The following ABCA9 variants were observed in gnomAD, a reference collection of about 807,000 sequenced individuals.
The protein encoded by ABCA9 is ATP-binding cassette sub-family A member 9.
In ABCA9, 183 loss-of-function variants were observed where a neutral mutation model predicts 205.3. That is an observed-to-expected ratio of 0.89 (90% CI 0.79 to 1.01). The LOEUF (loss-of-function observed/expected upper bound fraction) is 1.01. Among genes scored for constraint, ABCA9 ranks in the 50% least tolerant of loss-of-function variants. The pLI is 0.00. For synonymous variants in ABCA9, 651 were observed against 683.3 expected (o/e 0.95, Z 0.74); for missense variants, 1,805 against 1,912.4 (o/e 0.94, Z 1.05).
chr17:69,049,569 T>A lies in ABCA9; in HGVS notation c.97-79A>T, dbSNP rs7208425. 2,374 of 1,153,884 alleles carry A rather than the reference T, an allele frequency of 2.1e-3. 39 individuals are homozygous for A. The African/African-American group carries it at 0.033, about 16-fold the overall frequency. 71.5% of individuals were successfully genotyped at this position (1,153,884 alleles called of 1,614,324 possible). A position where few individuals can be genotyped will look rare whatever the true frequency, so the allele number is the denominator to read the frequency against. On this transcript the variant is annotated intron_variant, in intron 2 of 38. Transcript: ENST00000340001. ...TCAATCATCCACAAACAGTTTGAAA[T>A]ACTTAATTCTGTTATTTGGCTTGCA...
At chr17:69,031,006 G>C (rs148201249) in intron 10 of ABCA9, among the ~76,000 whole-genome samples, 4 of 152,252 alleles carry the variant, frequency 2.6e-5, no homozygotes, top group African/African-American at 9.6e-5. Context: ...AATGACGCAG[G>C]ACTGGCAGTC....
intron 25 of ABCA9, among the ~76,000 whole-genome samples, chr17:68,999,353 A>G (rs1026498023): frequency 7.5e-5 from 10 of 132,516 alleles, no homozygotes; most frequent in African/African-American, 2.9e-4. Context: ...TTCAATTCCC[A>G]CCTATGAGTG....
the ABCA9 span, among the ~76,000 whole-genome samples, chr17:69,077,232 A>C: frequency 2.6e-5 from 4 of 152,134 alleles, no homozygotes; most frequent in Non-Finnish European, 4.4e-5. Flanking sequence ...TATTTCAAAA[A>C]ATTTTTTTTA....
intron 3 of ABCA9, among the ~76,000 whole-genome samples, chr17:69,046,912 TAAAATTTTATATATATAG>T (rs2071734514): frequency 1.6e-5 from 2 of 121,734 alleles, no homozygotes; most frequent in African/African-American, 6.0e-5. Flanking sequence ...TATATATATA[TAAAATTTTATATATATAG>T]AAAATTTTAT....
At chr17:69,077,351 C>A in the ABCA9 span, among the ~76,000 whole-genome samples, 1 of 151,822 alleles carries the variant, frequency 6.6e-6, no homozygotes, top group South Asian at 2.1e-4. Context: ...TATTTTTATT[C>A]TTCTGTGGTC....
chr17:68,975,994 T>C lies in ABCA9; in HGVS notation c.4796A>G (p.Lys1599Arg), dbSNP rs749653892. ...TTCAAGATCACCCAGCTCCTGCTCC[T>C]TGGAGAGCTCCAGGAAAACCTAAAA... ...TLEQVFLELS[K>R]EQELGDLEED... Residue 1599 changes from lysine (K) to arginine (R), a missense_variant, in exon 39 of 39, where the codon AAG becomes AGG. Transcript: ENST00000340001. 3.1e-6 allele frequency: 5 copies of C among 1,613,810 alleles called. No individual in the cohort carries two copies. In the Admixed American group the frequency reaches 6.7e-5, roughly 22 times the overall value.
At chr17:69,060,312 T>C (rs968886409) in intron 1 of ABCA9, among the ~76,000 whole-genome samples, 1 of 152,130 alleles carries the variant, frequency 6.6e-6, no homozygotes, top group African/African-American at 2.4e-5. Flanking sequence ...ATAAAATTCC[T>C]GTTATTCACA....
Position 69,026,431 on chromosome 17 carries a change from C to T in ABCA9, c.2087G>A (p.Cys696Tyr), listed in dbSNP as rs2070987491. 1 of 1,613,768 alleles carries T rather than the reference C, an allele frequency of 6.2e-7. No homozygotes were observed. Among genetic ancestry groups the T allele is most frequent in the Non-Finnish European group, 8.5e-7 (1 of 1,179,834 alleles). ...KVFISNGKLKCAGSSLFLKKK... is the reference protein window; with the variant it reads ...KVFISNGKLKYAGSSLFLKKK... ...CTTAAGGAACAGAGAAGAGCCTGCA[C>T]ACTTCAGCTTCCCATTGGATATGAA... Residue 696 changes from cysteine to tyrosine, a missense_variant, in exon 16 of 39, where the codon TGT (cysteine) becomes TAT (tyrosine). By Grantham distance (194) the Cys-to-Tyr change is radical (BLOSUM62 -2). Coordinates refer to ENST00000340001, the MANE Select transcript of ABCA9 (RefSeq NM_080283.4).
chr17:69,075,687 T>C, the ABCA9 span, among the ~76,000 whole-genome samples: 1 of 152,146 alleles, frequency 6.6e-6, no homozygotes. Context: ...TGCCTCCAGC[T>C]TTGTTCTTTT....
At chr17:68,978,476 T>C (rs184434089) in intron 37 of ABCA9, among the ~76,000 whole-genome samples, 7 of 152,328 alleles carry the variant, frequency 4.6e-5, no homozygotes, top group Admixed American at 3.3e-4. Context: ...ACATTTAAGG[T>C]TAATATTGTT....
chr17:69,061,226 G>A (rs1434678920), upstream of ABCA9: 13 of 880,554 alleles, frequency 1.5e-5, no homozygotes, highest in South Asian at 4.7e-4. Flanking sequence ...TTCATACAAG[G>A]CCCTAATGGG....
intron 22 of ABCA9, among the ~76,000 whole-genome samples, chr17:69,013,854 A>C (rs1416835242): frequency 1.3e-5 from 2 of 152,116 alleles, no homozygotes; most frequent in Non-Finnish European, 2.9e-5. Flanking sequence ...ATCAAGTGGA[A>C]TAGGCTTACA....
intron 18 of ABCA9, 71 bp downstream of exon 18, chr17:69,021,671 T>G: frequency 9.7e-7 from 1 of 1,026,182 alleles, no homozygotes. Flanking sequence ...GATAAAATCT[T>G]TCTTTCGTCC....
chr17:69,021,308 A>G (rs1451611592), intron 18 of ABCA9, among the ~76,000 whole-genome samples: 1 of 152,128 alleles, frequency 6.6e-6, no homozygotes, highest in Non-Finnish European at 1.5e-5. Flanking sequence ...TAGCAGCAAT[A>G]AGAGAGAAAA....
chr17:69,014,246 C>T (rs879656671), intron 22 of ABCA9, among the ~76,000 whole-genome samples: 9 of 152,096 alleles, frequency 5.9e-5, no homozygotes, highest in African/African-American at 1.2e-4. Context: ...GTGGAAAATT[C>T]CATACCTGAC....
intron 37 of ABCA9, among the ~76,000 whole-genome samples, chr17:68,976,843 G>A (rs1259906324): frequency 2.0e-5 from 3 of 152,132 alleles, no homozygotes; most frequent in African/African-American, 7.2e-5. Context: ...CCTATTTTGA[G>A]TTTACCATCT....
At chr17:69,016,023 T>TTG (rs1467066020) in intron 22 of ABCA9, among the ~76,000 whole-genome samples, 5 of 150,514 alleles carry the variant, frequency 3.3e-5, no homozygotes, top group Non-Finnish European at 7.4e-5. Flanking sequence ...CATTTCTAAA[T>TTG]TGTGTGTGTG....
chr17:69,003,944 C>T (rs1450188680), intron 25 of ABCA9, among the ~76,000 whole-genome samples: 1 of 152,170 alleles, frequency 6.6e-6, no homozygotes, highest in African/African-American at 2.4e-5. Context: ...TCACGTAGTT[C>T]TCGAGCCTTG....
At chr17:69,064,301 A>T (rs879348100), upstream of ABCA9, among the ~76,000 whole-genome samples, 14 of 151,938 alleles carry the variant, frequency 9.2e-5, no homozygotes, top group African/African-American at 2.2e-4. Flanking sequence ...CTGGATCAGT[A>T]TTTTGTTCTA....
Sources: allele counts gnomAD v4.1 joint callset (sites outside exome capture counted in the v4.1 genomes callset), GRCh38; gene constraint gnomAD v4.1.1; transcripts MANE v1.5; gene names NCBI Gene and HGNC (gene_info 2026-07-23, HGNC 2026-07-21).